The following KIAA1549L variants were observed in gnomAD, a reference collection of about 807,000 sequenced individuals.
The protein encoded by KIAA1549L is UPF0606 protein KIAA1549L.
Under a neutral mutation model 160.7 loss-of-function variants are expected in KIAA1549L, and 88 were observed. The ratio of observed to expected loss-of-function variants is 0.55; its 90% CI spans 0.46 to 0.65. The LOEUF is 0.65. Among genes scored for constraint, KIAA1549L ranks in the 30% least tolerant of loss-of-function variants. The pLI is 0.00. For synonymous variants in KIAA1549L, 950 were observed against 976.7 expected, an observed-to-expected ratio of 0.97 and a Z score of 0.51; for missense variants, 2,258 against 2,437.5, an observed-to-expected ratio of 0.93 and a Z score of 1.55.
chr11:33,608,816 C>G (rs902564213), intron 14 of KIAA1549L, among the ~76,000 whole-genome samples: 2 of 152,234 alleles, frequency 1.3e-5, no homozygotes, highest in African/African-American at 4.8e-5. Context: ...GAACTGTTCT[C>G]TATAATTTGC....
chr11:33,434,174 C>T (rs1851309348), intron 1 of KIAA1549L, among the ~76,000 whole-genome samples: 1 of 151,862 alleles, frequency 6.6e-6, no homozygotes, highest in African/African-American at 2.4e-5. Context: ...AAAGATTCTA[C>T]TGGGTATCTG....
chr11:33,415,813 TA>T (rs1371551994), intron 1 of KIAA1549L, among the ~76,000 whole-genome samples: 2 of 152,182 alleles, frequency 1.3e-5, no homozygotes, highest in Non-Finnish European at 2.9e-5. Flanking sequence ...TTTATTTATT[TA>T]TTTTTTTGAG....
intron 1 of KIAA1549L, among the ~76,000 whole-genome samples, chr11:33,489,501 A>G (rs1852607693): frequency 6.6e-6 from 1 of 152,194 alleles, no homozygotes; most frequent in Non-Finnish European, 1.5e-5. Flanking sequence ...TTCATTTCCT[A>G]ACAACACAGT....
At chr11:33,483,761 G>T (rs1465214790) in intron 1 of KIAA1549L, among the ~76,000 whole-genome samples, 4 of 152,102 alleles carry the variant, frequency 2.6e-5, no homozygotes, top group African/African-American at 9.7e-5. Context: ...CTTTCGCTTG[G>T]TTCCCATCTG....
intron 1 of KIAA1549L, among the ~76,000 whole-genome samples, chr11:33,534,698 C>T (rs993498984): frequency 5.3e-5 from 8 of 152,092 alleles, no homozygotes; most frequent in Non-Finnish European, 8.8e-5. Flanking sequence ...TAAATAACTT[C>T]CTCCAAGTCT....
intron 12 of KIAA1549L, among the ~76,000 whole-genome samples, chr11:33,597,711 G>A (rs2133301562): frequency 6.6e-6 from 1 of 152,312 alleles, no homozygotes; most frequent in South Asian, 2.1e-4. Flanking sequence ...CAGAAGATGA[G>A]AGTCCCGCCC....
intron 1 of KIAA1549L, among the ~76,000 whole-genome samples, chr11:33,513,729 T>A (rs1853276704): frequency 6.6e-6 from 1 of 152,188 alleles, no homozygotes; most frequent in African/African-American, 2.4e-5. Flanking sequence ...GATTGGCTTC[T>A]CCTGGGGCAG....
intron 11 of KIAA1549L, among the ~76,000 whole-genome samples, chr11:33,587,427 G>A (rs567369904): frequency 4.4e-4 from 67 of 152,264 alleles, no homozygotes; most frequent in Admixed American, 2.2e-3. Flanking sequence ...GTAGTCCTGC[G>A]CCACTTAGCT....
chr11:33,570,001 TCTCTC>T (rs998313609), intron 9 of KIAA1549L, among the ~76,000 whole-genome samples: 114 of 55,270 alleles, frequency 2.1e-3, no homozygotes, highest in African/African-American at 5.4e-3. Flanking sequence ...TCTCTCTCTC[TCTCTC>T]TTTTTTTTTT....
intron 1 of KIAA1549L, among the ~76,000 whole-genome samples, chr11:33,525,992 G>A (rs1853602359): frequency 6.6e-6 from 1 of 152,036 alleles, no homozygotes; most frequent in Admixed American, 6.6e-5. Flanking sequence ...CCCAAAGAGA[G>A]TCTGAGTTCA....
At chr11:33,418,069 A>T (rs889395461) in intron 1 of KIAA1549L, among the ~76,000 whole-genome samples, 6 of 152,120 alleles carry the variant, frequency 3.9e-5, no homozygotes, top group Non-Finnish European at 8.8e-5. Context: ...GTGAGCCACC[A>T]CACCTGGTTC....
At chr11:33,454,455 A>T (rs1851781248) in intron 1 of KIAA1549L, among the ~76,000 whole-genome samples, 1 of 152,302 alleles carries the variant, frequency 6.6e-6, no homozygotes, top group East Asian at 1.9e-4. Flanking sequence ...AAAGCTATAA[A>T]ATTCTGTGCC....
At chr11:33,551,932 A>G (rs941404955) in intron 5 of KIAA1549L, among the ~76,000 whole-genome samples, 176 bp from the exon 6 acceptor site, 2 of 152,222 alleles carry the variant, frequency 1.3e-5, no homozygotes, top group African/African-American at 2.4e-5. Flanking sequence ...TCTGTGTTAT[A>G]TAATTCATCT....
Position 33,650,428 on chromosome 11 carries a change from C to G in KIAA1549L, c.5760+4392C>G, listed in dbSNP as rs147662589. ...TAACTTTATTTTTCTGTGATCTTCT[C>G]TGCGTGCCAGAAGCTCAGTCTCAGT... is the stretch of plus-strand genomic sequence containing the variant. On this transcript the variant is annotated intron_variant, in intron 17 of 20. Transcript: ENST00000658780. 7.0e-3 allele frequency among the ~76,000 whole-genome samples: 1,063 copies of G among 152,254 alleles called. 17 individuals are homozygous for G. Among genetic ancestry groups the G allele is most frequent in the African/African-American group, 0.024 (1,013 of 41,522 alleles).
At chr11:33,616,984 C>CA (rs1188237449) in intron 15 of KIAA1549L, among the ~76,000 whole-genome samples, 6 of 151,778 alleles carry the variant, frequency 4.0e-5, no homozygotes, top group Non-Finnish European at 8.8e-5. Flanking sequence ...ACAAAAATTA[C>CA]AAAAAAATTA....
chr11:33,589,784 T>C (rs1849993402), intron 11 of KIAA1549L, among the ~76,000 whole-genome samples: 1 of 152,070 alleles, frequency 6.6e-6, no homozygotes, highest in South Asian at 2.1e-4. Flanking sequence ...GTGGGAGGGA[T>C]AGCATTAGGA....
chr11:33,435,824 A>ATGTG (rs1851363226), intron 1 of KIAA1549L, among the ~76,000 whole-genome samples: 1 of 56,976 alleles, frequency 1.8e-5, no homozygotes, highest in African/African-American at 9.0e-5. Flanking sequence ...GTGTGTATAT[A>ATGTG]TATATATGTA....
chr11:33,409,529 AC>A (rs764728958), intron 1 of KIAA1549L, among the ~76,000 whole-genome samples: 28 of 152,298 alleles, frequency 1.8e-4, no homozygotes, highest in Admixed American at 4.6e-4. Context: ...CTTTAATGTC[AC>A]ACACTGTGGA....
intron 8 of KIAA1549L, among the ~76,000 whole-genome samples, chr11:33,565,244 A>G (rs558400401): frequency 6.6e-6 from 1 of 152,146 alleles, no homozygotes; most frequent in Admixed American, 6.5e-5. Context: ...TTTTCAGGGG[A>G]AGGGGGAGGA....
Sources: gnomAD v4.1 joint callset for allele counts (sites outside exome capture counted in the v4.1 genomes callset) on GRCh38, gnomAD v4.1.1 for gene constraint, MANE v1.5 for transcripts, NCBI Gene and HGNC (gene_info 2026-07-23, HGNC 2026-07-21) for gene names.